Variants in FAM13C observed in about 807,000 individuals in gnomAD.
The protein encoded by FAM13C is family with sequence similarity 13 member C.
Under a neutral mutation model 73.2 loss-of-function variants are expected in FAM13C, and 37 were observed. The observed-to-expected ratio is 0.51, with a 90% CI of 0.39 to 0.67. The LOEUF (loss-of-function observed/expected upper bound fraction) is 0.67, where lower values mean the gene tolerates loss of function less well. FAM13C is among the 30% of genes least tolerant of loss of function. The pLI is 0.00. For missense variants in FAM13C, 589 were observed against 715.6 expected, an observed-to-expected ratio of 0.82 and a Z score of 2.02; for synonymous variants, 246 against 260.9, an observed-to-expected ratio of 0.94 and a Z score of 0.55.
chr10:59,285,207 C>T (rs567760550), intron 5 of FAM13C, among the ~76,000 whole-genome samples: 1 of 152,308 alleles, frequency 6.6e-6, no homozygotes, highest in South Asian at 2.1e-4. Flanking sequence ...GTCTGGGAGC[C>T]CATAGCTCAC....
At chr10:59,314,987 T>A (rs1299242156) in intron 4 of FAM13C, among the ~76,000 whole-genome samples, 1 of 152,206 alleles carries the variant, frequency 6.6e-6, no homozygotes. Context: ...ATTTTAAGTT[T>A]TCCCAGTTAA....
intron 2 of FAM13C, among the ~76,000 whole-genome samples, chr10:59,354,134 C>G (rs949610533): frequency 6.6e-6 from 1 of 152,032 alleles, no homozygotes; most frequent in South Asian, 2.1e-4. Context: ...TAAAAAATAG[C>G]TTTTCAAATC....
chr10:59,345,255 A>T (rs767074386), intron 3 of FAM13C, among the ~76,000 whole-genome samples: 6 of 152,196 alleles, frequency 3.9e-5, no homozygotes, highest in Non-Finnish European at 8.8e-5. Flanking sequence ...TTCTTCTGTA[A>T]CTTCCATCAC....
chr10:59,350,210 C>A (rs1000654349), intron 3 of FAM13C, among the ~76,000 whole-genome samples: 4 of 152,136 alleles, frequency 2.6e-5, no homozygotes, highest in African/African-American at 9.7e-5. Context: ...GATTCCAATG[C>A]TGTATTATGA....
intron 5 of FAM13C, among the ~76,000 whole-genome samples, chr10:59,286,516 AAT>A (rs1159774665): frequency 0.012 from 1,306 of 110,932 alleles, 61 homozygotes; most frequent in African/African-American, 0.042. Context: ...CTCCATCTCA[AAT>A]ATATATATAT....
chr10:59,339,034 C>G (rs1191109678), intron 3 of FAM13C, among the ~76,000 whole-genome samples: 3 of 152,132 alleles, frequency 2.0e-5, no homozygotes, highest in Admixed American at 2.0e-4. Flanking sequence ...CCTTGCCTTT[C>G]CAGCTCCAGG....
intron 3 of FAM13C, among the ~76,000 whole-genome samples, chr10:59,344,221 G>A (rs566709995): frequency 8.1e-5 from 12 of 147,886 alleles, no homozygotes; most frequent in African/African-American, 1.7e-4. Context: ...CTTGGCCTCC[G>A]AAAGTGCTGG....
At chr10:59,322,482 A>C (rs1384583192) in intron 4 of FAM13C, among the ~76,000 whole-genome samples, 1 of 152,204 alleles carries the variant, frequency 6.6e-6, no homozygotes, top group African/African-American at 2.4e-5. Context: ...GATCCTATGA[A>C]GGTTTGCTAA....
chr10:59,263,224 A>C (rs12098664), intron 9 of FAM13C, among the ~76,000 whole-genome samples: 5,083 of 152,276 alleles, frequency 0.033, 281 homozygotes, highest in African/African-American at 0.12. Context: ...AATTAAAAAT[A>C]AAAAAGCCCC....
intron 5 of FAM13C, among the ~76,000 whole-genome samples, chr10:59,288,658 G>T (rs996061537): frequency 3.9e-5 from 6 of 152,144 alleles, no homozygotes; most frequent in African/African-American, 1.4e-4. Flanking sequence ...TAATAGGGAA[G>T]AAATTAAGTG....
intron 3 of FAM13C, among the ~76,000 whole-genome samples, chr10:59,350,321 CTG>C (rs750191151): frequency 1.3e-5 from 2 of 152,188 alleles, no homozygotes; most frequent in Non-Finnish European, 2.9e-5. Flanking sequence ...CAAGTGACAA[CTG>C]TGTAATTTCT....
At chr10:59,359,832 A>T (rs886560375) in intron 1 of FAM13C, among the ~76,000 whole-genome samples, 9 of 152,230 alleles carry the variant, frequency 5.9e-5, no homozygotes, top group Non-Finnish European at 1.3e-4. Context: ...CCCAGTTGAT[A>T]TTGATGATCA....
rs553015626 is a variant in FAM13C, at chr10:59,347,960, C to T, written c.324+4310G>A. Among the ~76,000 whole-genome samples, 6 of 152,236 alleles carry T rather than the reference C, an allele frequency of 3.9e-5. No individual in the cohort carries two copies. In the South Asian group the frequency reaches 1.2e-3, roughly 32 times the overall value. ...CATTTCAGTTGGTTCCAAGTCTTTG[C>T]TATTGTGAATAGTGCTGCAATAAAC... On this transcript the variant is annotated intron_variant, in intron 3 of 13. Coordinates refer to ENST00000618804, the MANE Select transcript of FAM13C (RefSeq NM_198215.4).
rs539655753 is a variant in FAM13C, at chr10:59,291,828, G to A, written c.508-8381C>T. ...TTTTGAGATGGAGTCTTGCTCTGTC[G>A]CCCAGGCTGGAGTGCAGTGGTGTGA... On this transcript the variant is annotated intron_variant, in intron 5 of 13. Transcript: ENST00000618804. Among the ~76,000 whole-genome samples the A allele has an allele frequency of 9.0e-4, 106 of 118,294 alleles. 1 individual carries two copies. The East Asian group carries it at 0.021, about 24-fold the overall frequency. 77.6% of individuals were successfully genotyped at this position (118,294 alleles called of 152,430 possible).
intron 3 of FAM13C, among the ~76,000 whole-genome samples, chr10:59,347,519 T>C (rs1200798977): frequency 1.5e-5 from 2 of 134,010 alleles, no homozygotes; most frequent in African/African-American, 6.0e-5. Flanking sequence ...CCCACACCTA[T>C]TTTTTTTTTT....
At chr10:59,345,454 A>G (rs1854179859) in intron 3 of FAM13C, among the ~76,000 whole-genome samples, 1 of 152,244 alleles carries the variant, frequency 6.6e-6, no homozygotes, top group African/African-American at 2.4e-5. Context: ...TCATTTTAAG[A>G]TTCCTTCATG....
intron 4 of FAM13C, among the ~76,000 whole-genome samples, chr10:59,319,121 T>TCACACACACACA (rs1171535640): frequency 3.2e-5 from 4 of 123,830 alleles, no homozygotes; most frequent in African/African-American, 1.4e-4. Context: ...ACACACACAT[T>TCACACACACACA]GTCTATCTCA....
chr10:59,322,238 G>A (rs769331762), intron 4 of FAM13C, among the ~76,000 whole-genome samples: 7 of 152,170 alleles, frequency 4.6e-5, no homozygotes, highest in Non-Finnish European at 8.8e-5. Context: ...GTCCCTTGGT[G>A]ATGTCACCAT....
chr10:59,263,264 A>C (rs1211967565), intron 9 of FAM13C, among the ~76,000 whole-genome samples: 1 of 152,228 alleles, frequency 6.6e-6, no homozygotes, highest in East Asian at 1.9e-4. Flanking sequence ...TACATTTTAG[A>C]GTATGCAAGG....
Sources: allele counts gnomAD v4.1 joint callset (sites outside exome capture counted in the v4.1 genomes callset), GRCh38; gene constraint gnomAD v4.1.1; transcripts MANE v1.5; gene names NCBI Gene and HGNC (gene_info 2026-07-23, HGNC 2026-07-21).